ASAP2: variants seen among roughly 807,000 people sequenced by gnomAD.
ASAP2 encodes ArfGAP with SH3 domain, ankyrin repeat and PH domain 2, also known as arf-GAP with SH3 domain, ANK repeat and PH domain-containing protein 2.
In ASAP2, 45 loss-of-function variants were observed where a neutral mutation model predicts 131.4. The observed-to-expected ratio is 0.34, with a 90% CI of 0.27 to 0.44. ASAP2 has a LOEUF of 0.44. ASAP2 is among the 20% of genes least tolerant of loss of function. ASAP2 has a pLI of 1.00. For missense variants in ASAP2, 1,011 were observed against 1,297.0 expected (o/e 0.78, Z 3.39); for synonymous variants, 510 against 503.0 (o/e 1.01, Z -0.19).
chr2:9,269,253 G>C (rs993246406), intron 1 of ASAP2, among the ~76,000 whole-genome samples: 2 of 149,156 alleles, frequency 1.3e-5, no homozygotes, highest in Non-Finnish European at 3.0e-5. Flanking sequence ...ATTATTTTGC[G>C]GGGGGGAGGG....
chr2:9,361,328 C>G (rs1329759482), intron 15 of ASAP2, among the ~76,000 whole-genome samples: 2 of 152,182 alleles, frequency 1.3e-5, no homozygotes, highest in African/African-American at 4.8e-5. Context: ...TGAGCTCTGG[C>G]TGGTCCTCTG....
At chr2:9,338,372 G>C (rs1344404806) in intron 9 of ASAP2, among the ~76,000 whole-genome samples, 1 of 148,836 alleles carries the variant, frequency 6.7e-6, no homozygotes, top group African/African-American at 2.5e-5. Context: ...TCTTTCTCTT[G>C]CTCCCTCTTT....
chr2:9,233,276 G>A (rs909047944), intron 1 of ASAP2, among the ~76,000 whole-genome samples: 7 of 152,184 alleles, frequency 4.6e-5, no homozygotes, highest in Admixed American at 3.3e-4. Flanking sequence ...AAGGAATTGC[G>A]AAGCCGTACT....
chr2:9,315,040 A>G (rs1209520674), intron 3 of ASAP2, among the ~76,000 whole-genome samples: 1 of 151,984 alleles, frequency 6.6e-6, no homozygotes, highest in Non-Finnish European at 1.5e-5. Flanking sequence ...CTCCTGATGG[A>G]TGAGAAGGCT....
At chr2:9,325,474 G>C (rs1231136052) in intron 6 of ASAP2, among the ~76,000 whole-genome samples, 1 of 152,224 alleles carries the variant, frequency 6.6e-6, no homozygotes, top group Non-Finnish European at 1.5e-5. Flanking sequence ...ATTTGGAAAG[G>C]GGTGTTTGTG....
chr2:9,258,244 C>CAAA (rs34722605), intron 1 of ASAP2, among the ~76,000 whole-genome samples: 2,379 of 129,602 alleles, frequency 0.018, 55 homozygotes, highest in African/African-American at 0.055. Flanking sequence ...TACTTCATCT[C>CAAA]AAAAAAAAAA....
chr2:9,212,812 A>T (rs895888796), intron 1 of ASAP2, among the ~76,000 whole-genome samples: 1 of 152,134 alleles, frequency 6.6e-6, no homozygotes, highest in Non-Finnish European at 1.5e-5. Context: ...ACTTGCTGAA[A>T]TGCAGAGCCC....
intron 1 of ASAP2, among the ~76,000 whole-genome samples, chr2:9,260,930 G>T (rs942353805): frequency 6.6e-6 from 1 of 152,162 alleles, no homozygotes; most frequent in Non-Finnish European, 1.5e-5. Context: ...ACAAGGAATT[G>T]GTTACCCAGG....
chr2:9,323,086 C>G (rs1249690698), intron 5 of ASAP2, 35 bp from the exon 6 acceptor site: 1 of 1,613,192 alleles, frequency 6.2e-7, no homozygotes, highest in South Asian at 1.1e-5. Flanking sequence ...TCTGTGCCAA[C>G]AGGCATCTTG....
At chr2:9,276,349 T>C (rs1467773250) in intron 1 of ASAP2, among the ~76,000 whole-genome samples, 2 of 152,070 alleles carry the variant, frequency 1.3e-5, no homozygotes, top group African/African-American at 4.8e-5. Context: ...AGGTAGCTCA[T>C]TATGATGGAA....
intron 1 of ASAP2, among the ~76,000 whole-genome samples, chr2:9,222,726 C>T (rs1334722766): frequency 6.6e-6 from 1 of 152,072 alleles, no homozygotes; most frequent in Non-Finnish European, 1.5e-5. Context: ...GGAAGAGGTG[C>T]CGGTGGGTGT....
intron 1 of ASAP2, among the ~76,000 whole-genome samples, chr2:9,239,328 A>C (rs868827080): frequency 1.3e-5 from 2 of 152,218 alleles, no homozygotes; most frequent in Non-Finnish European, 2.9e-5. Flanking sequence ...ATAAGGATAT[A>C]GTACATTCAG....
intron 1 of ASAP2, among the ~76,000 whole-genome samples, chr2:9,266,241 G>T (rs977322561): frequency 3.4e-5 from 5 of 146,630 alleles, no homozygotes; most frequent in African/African-American, 1.3e-4. Context: ...CGACTTCCCA[G>T]ACTCAAGTGA....
At chr2:9,248,638 G>T (rs1664499442) in intron 1 of ASAP2, among the ~76,000 whole-genome samples, 1 of 152,116 alleles carries the variant, frequency 6.6e-6, no homozygotes. Flanking sequence ...TGAGGTCTTA[G>T]ATACCCAGGC....
intron 1 of ASAP2, among the ~76,000 whole-genome samples, chr2:9,219,801 A>G (rs1572185026): frequency 1.3e-5 from 2 of 152,190 alleles, no homozygotes; most frequent in South Asian, 4.1e-4. Context: ...CATCACCACT[A>G]TTTAATTCCA....
At chr2:9,284,075 C>T (rs1667308372) in intron 2 of ASAP2, among the ~76,000 whole-genome samples, 1 of 152,194 alleles carries the variant, frequency 6.6e-6, no homozygotes, top group South Asian at 2.1e-4. Context: ...CCAGATAATC[C>T]AGATAATCTC....
chr2:9,230,952 C>G (rs961408402), intron 1 of ASAP2, among the ~76,000 whole-genome samples: 5 of 152,188 alleles, frequency 3.3e-5, no homozygotes, highest in African/African-American at 1.2e-4. Context: ...TGGGCTGGTT[C>G]CATGGCAGGG....
intron 11 of ASAP2, among the ~76,000 whole-genome samples, chr2:9,349,148 T>A (rs900411147): frequency 2.0e-5 from 3 of 152,208 alleles, no homozygotes; most frequent in Admixed American, 2.0e-4. Context: ...CTTGTATAGG[T>A]ATATAATAAA....
At chr2:9,304,120 T>C (rs951650911) in intron 3 of ASAP2, among the ~76,000 whole-genome samples, 4 of 152,158 alleles carry the variant, frequency 2.6e-5, no homozygotes, top group Non-Finnish European at 4.4e-5. Flanking sequence ...CCCTGAGCCC[T>C]GGGTCCCTGC....
Sources: allele counts gnomAD v4.1 joint callset (sites outside exome capture counted in the v4.1 genomes callset), GRCh38; gene constraint gnomAD v4.1.1; transcripts MANE v1.5; gene names NCBI Gene and HGNC (gene_info 2026-07-23, HGNC 2026-07-21).